ISOC1: variants seen among roughly 807,000 people sequenced by gnomAD.
ISOC1 encodes the protein isochorismatase domain containing 1, also known as isochorismatase domain-containing protein 1.
Under a neutral mutation model 30.0 loss-of-function variants are expected in ISOC1, and 33 were observed. That is an observed-to-expected ratio of 1.10 (90% confidence interval 0.83 to 1.47). The LOEUF is 1.47. Ranked by LOEUF, ISOC1 falls within the 40% of genes most tolerant of loss-of-function variation. ISOC1 has a pLI of 0.00. For missense variants in ISOC1, 372 were observed against 388.0 expected (o/e 0.96, Z 0.35); for synonymous variants, 178 against 159.8 (o/e 1.11, Z -0.86).
In ISOC1 at chr5:129,107,039, A is replaced by G; in HGVS notation, c.727A>G (p.Met243Val). 2 of 1,613,632 alleles carry G rather than the reference A, an allele frequency of 1.2e-6. No homozygotes were observed. The highest frequency in any genetic ancestry group is 8.5e-7 in the Non-Finnish European group (1 of 1,179,632). The change falls in exon 4 of 5, where the codon ATG (methionine) becomes GTG (valine). Residue 243 changes from methionine to valine, a missense_variant. By Grantham distance (21) the Met-to-Val change is conservative (BLOSUM62 1). Coordinates refer to ENST00000173527, the MANE Select transcript of ISOC1 (RefSeq NM_016048.2). ...VADATSSRSMMDRMFALERLA... is the reference protein window; with the variant it reads ...VADATSSRSMVDRMFALERLA... ...TGATGCCACCTCATCAAGAAGCATG[A>G]TGGACAGGATGTTTGCCCTCGAGGT...
chr5:129,101,552 A>G (rs1038204937), intron 1 of ISOC1, among the ~76,000 whole-genome samples: 5 of 152,120 alleles, frequency 3.3e-5, no homozygotes, highest in Admixed American at 1.3e-4. Flanking sequence ...TGCTCTTGCA[A>G]TCCTGGGCTT....
chr5:129,110,316 T>C (rs892496694), intron 4 of ISOC1, among the ~76,000 whole-genome samples: 4 of 152,166 alleles, frequency 2.6e-5, no homozygotes, highest in Non-Finnish European at 5.9e-5. Context: ...TGCCCCTTTT[T>C]AAGCCAGGAG....
At chr5:129,108,009 T>C (rs942195008) in intron 4 of ISOC1, among the ~76,000 whole-genome samples, 3 of 152,232 alleles carry the variant, frequency 2.0e-5, no homozygotes, top group Non-Finnish European at 4.4e-5. Flanking sequence ...CTCTCTCATA[T>C]TTAGTTCTAA....
chr5:129,106,121 G>A (rs769632181), intron 3 of ISOC1, among the ~76,000 whole-genome samples: 3 of 152,024 alleles, frequency 2.0e-5, no homozygotes, highest in East Asian at 1.9e-4. Flanking sequence ...TAAATATGTC[G>A]TACCAAGTGC....
intron 1 of ISOC1, among the ~76,000 whole-genome samples, chr5:129,102,879 A>G (rs773179012): frequency 2.6e-5 from 4 of 152,226 alleles, no homozygotes; most frequent in African/African-American, 4.8e-5. Context: ...AGGAATGTAT[A>G]CAGAGGTAGT....
intron 1 of ISOC1, among the ~76,000 whole-genome samples, 200 bp from the exon 2 acceptor site, chr5:129,104,756 C>T (rs948359622): frequency 3.3e-5 from 5 of 150,520 alleles, no homozygotes; most frequent in East Asian, 1.9e-4. Context: ...TTCTAATTTC[C>T]GCTATTAAAA....
At position 129,094,787 on chromosome 5, in the gene ISOC1, G is replaced by A. The variant is rs929176183; in HGVS notation, c.21G>A (p.Ala7=). 9 of 1,510,592 alleles carry A rather than the reference G, an allele frequency of 6.0e-6. No individual in the cohort carries two copies. Among genetic ancestry groups the A allele is most frequent in the Admixed American group, 4.2e-5 (2 of 48,002 alleles). The allele number at this position is 1,510,592 out of a possible 1,614,324, so 93.6% of individuals were successfully genotyped here. A position where few individuals can be genotyped will look rare whatever the true frequency, so the allele number is the denominator to read the frequency against. Residue 7 remains alanine (A), a synonymous_variant, in exon 1 of 5, where the codon GCG becomes GCA. Coordinates refer to ENST00000173527, the MANE Select transcript of ISOC1 (RefSeq NM_016048.2). ...GGAACATGGCGGCTGCGGAGCCGGC[G>A]GTCCTTGCGCTCCCCAACAGCGGCG... MAAAEP[A]VLALPNSGAG... is the part of the protein sequence containing the mutation.
chr5:129,096,147 C>G (rs917442499), intron 1 of ISOC1, among the ~76,000 whole-genome samples: 12 of 152,112 alleles, frequency 7.9e-5, no homozygotes, highest in Non-Finnish European at 1.5e-5. Flanking sequence ...GTGTAGTGAT[C>G]AAATCAGGGT....
chr5:129,099,189 C>G (rs567470606), intron 1 of ISOC1, among the ~76,000 whole-genome samples: 1 of 152,272 alleles, frequency 6.6e-6, no homozygotes, highest in South Asian at 2.1e-4. Flanking sequence ...AGAGTAGGAG[C>G]TATGATCTGA....
At chr5:129,101,999 A>G (rs1753577168) in intron 1 of ISOC1, among the ~76,000 whole-genome samples, 1 of 152,166 alleles carries the variant, frequency 6.6e-6, no homozygotes, top group Non-Finnish European at 1.5e-5. Context: ...TCATTACATC[A>G]TATCAAAGGT....
At chr5:129,102,235 G>A (rs903931892) in intron 1 of ISOC1, among the ~76,000 whole-genome samples, 1 of 152,198 alleles carries the variant, frequency 6.6e-6, no homozygotes, top group African/African-American at 2.4e-5. Flanking sequence ...TCTATGAAAG[G>A]TAGGGTATTT....
chr5:129,113,897 A>G lies in ISOC1; in HGVS notation c.*896A>G, dbSNP rs1753741150. On this transcript the variant is annotated 3_prime_UTR_variant, in exon 5 of 5. Transcript: ENST00000173527. ...AAAGTCTCAGTAATGATTTGGTAGT[A>G]TTAATTTTGTGGTCATTGTTTCTCT... The G allele has an allele frequency of 6.6e-6, 1 of 152,218 alleles. No homozygotes were observed. Among genetic ancestry groups the G allele is most frequent in the African/African-American group, 2.4e-5 (1 of 41,468 alleles). 9.4% of individuals were successfully genotyped at this position (152,218 alleles called of 1,614,324 possible).
At chr5:129,104,658 CAT>C (rs1340603733) in intron 1 of ISOC1, among the ~76,000 whole-genome samples, 1 of 151,964 alleles carries the variant, frequency 6.6e-6, no homozygotes, top group Non-Finnish European at 1.5e-5. Context: ...AAGACATATA[CAT>C]ATGTTTTTTA....
intron 1 of ISOC1, among the ~76,000 whole-genome samples, chr5:129,097,128 C>T (rs544635784): frequency 5.3e-5 from 8 of 151,962 alleles, no homozygotes; most frequent in Non-Finnish European, 1.0e-4. Flanking sequence ...GAAATTTTTC[C>T]GCCAACTAGT....
chr5:129,101,661 A>G (rs1753573843), intron 1 of ISOC1, among the ~76,000 whole-genome samples: 1 of 152,200 alleles, frequency 6.6e-6, no homozygotes, highest in South Asian at 2.1e-4. Context: ...ATATTCCTGC[A>G]GTACATTTGT....
At chr5:129,096,693 G>C (rs1465896636) in intron 1 of ISOC1, among the ~76,000 whole-genome samples, 2 of 152,170 alleles carry the variant, frequency 1.3e-5, no homozygotes, top group Non-Finnish European at 2.9e-5. Context: ...TCAGATGTTG[G>C]ATGCACCTTT....
chr5:129,110,325 A>G lies in ISOC1; in HGVS notation c.751-2530A>G, dbSNP rs1753689979. On this transcript the variant is annotated intron_variant, in intron 4 of 4. Transcript: ENST00000173527. ...TTTAACTGCCCCTTTTTAAGCCAGG[A>G]GAGAAAGTGGACTTGGGACCAGCAT... 2.0e-5 allele frequency among the ~76,000 whole-genome samples: 3 copies of G among 152,150 alleles called. No homozygotes were observed. The South Asian group carries it at 6.2e-4, about 31-fold the overall frequency.
At chr5:129,112,763 C>G (rs1753725662) in intron 4 of ISOC1, 92 bp from the exon 5 acceptor site, 5 of 1,391,342 alleles carry the variant, frequency 3.6e-6, no homozygotes, top group Non-Finnish European at 4.9e-6. Context: ...GTAGAGGACA[C>G]TAATTATTGC....
chr5:129,109,028 A>G (rs1753671482), intron 4 of ISOC1, among the ~76,000 whole-genome samples: 2 of 152,240 alleles, frequency 1.3e-5, no homozygotes, highest in Admixed American at 1.3e-4. Context: ...CTTGTAAAAA[A>G]GGACTTTTTT....
Sources: allele counts gnomAD v4.1 joint callset (sites outside exome capture counted in the v4.1 genomes callset), GRCh38; gene constraint gnomAD v4.1.1; transcripts MANE v1.5; gene names NCBI Gene and HGNC (gene_info 2026-07-23, HGNC 2026-07-21).